Variants in KIF13A observed in about 807,000 individuals in gnomAD.
The protein encoded by KIF13A is kinesin-like protein KIF13A.
A neutral mutation model predicts 212.2 loss-of-function variants in KIF13A; 79 were observed. The ratio of observed to expected loss-of-function variants is 0.37; its 90% CI spans 0.31 to 0.45. KIF13A has a LOEUF of 0.45. Ranked by LOEUF, KIF13A falls within the 20% of genes least tolerant of loss-of-function variation. The pLI is 1.00. For synonymous variants in KIF13A, 789 were observed against 808.6 expected, an observed-to-expected ratio of 0.98 and a Z score of 0.41; for missense variants, 1,901 against 2,209.0, an observed-to-expected ratio of 0.86 and a Z score of 2.79.
rs2150601662 is a variant in KIF13A, at chr6:17,968,059, G to A, written c.146+18995C>T. Among the ~76,000 whole-genome samples, 1 of 152,258 alleles carries A rather than the reference G, an allele frequency of 6.6e-6. No homozygotes were observed. Among genetic ancestry groups the A allele is most frequent in the Admixed American group, 6.5e-5 (1 of 15,284 alleles). Reference sequence around the variant, plus strand: ...TGCCCACAATGCTGAGAACCCCTGGGGGACTGACAAACGTAGGCATATTAT... The same window carrying A: ...TGCCCACAATGCTGAGAACCCCTGGAGGACTGACAAACGTAGGCATATTAT... On this transcript the variant is annotated intron_variant, in intron 2 of 38. Transcript: ENST00000259711. The surrounding 1 kb of genome is among the most constrained non-coding windows in gnomAD (Gnocchi z 4.7).
At chr6:17,852,737 G>A (rs1767777386) in intron 6 of KIF13A, among the ~76,000 whole-genome samples, 1 of 152,192 alleles carries the variant, frequency 6.6e-6, no homozygotes, top group Non-Finnish European at 1.5e-5. Context: ...TGAATTACTA[G>A]TAGACAGTAT....
At chr6:17,831,068 C>T (rs1581450580) in intron 13 of KIF13A, 33 bp downstream of exon 13, 6 of 1,590,700 alleles carry the variant, frequency 3.8e-6, no homozygotes, top group African/African-American at 1.3e-5. Flanking sequence ...AGGAATGAAT[C>T]TTGATTGCAT....
intron 2 of KIF13A, among the ~76,000 whole-genome samples, chr6:17,977,445 A>T (rs949037688): frequency 2.0e-5 from 3 of 152,272 alleles, no homozygotes; most frequent in Non-Finnish European, 2.9e-5. Flanking sequence ...ATGTTTCATG[A>T]AGATGCTCTT....
At chr6:17,762,748 G>A (rs1048924357), downstream of KIF13A, among the ~76,000 whole-genome samples, 1 of 152,208 alleles carries the variant, frequency 6.6e-6, no homozygotes, top group Non-Finnish European at 1.5e-5. Flanking sequence ...TGCAAGAATG[G>A]TGGTGAGTGA....
At chr6:17,876,380 T>C (rs1440809134) in intron 3 of KIF13A, among the ~76,000 whole-genome samples, 2 of 152,154 alleles carry the variant, frequency 1.3e-5, no homozygotes, top group Non-Finnish European at 2.9e-5. Flanking sequence ...TACCTCAGAA[T>C]TACTAAGTAT....
At chr6:17,857,951 A>G (rs546764982) in intron 4 of KIF13A, among the ~76,000 whole-genome samples, 4 of 152,142 alleles carry the variant, frequency 2.6e-5, no homozygotes, top group Admixed American at 6.5e-5. Context: ...ACTACATAAC[A>G]TTTTTAAAAA....
At chr6:17,962,331 AC>A (rs1290675811) in intron 2 of KIF13A, among the ~76,000 whole-genome samples, 9 of 152,092 alleles carry the variant, frequency 5.9e-5, no homozygotes, top group Non-Finnish European at 1.3e-4. Context: ...GAAAAAAAAA[AC>A]ATGGTAATAA....
In KIF13A at chr6:17,886,882, TAA is replaced by T. The variant is rs1171604277; in HGVS notation, c.159+11284_159+11285del. Reference sequence around the variant, plus strand: ...CTGAGGATTGTTTTGTTGTCGTTGTTAAAAAGAGGAAAAAAAAAAAAGTCTTG... The same window carrying T: ...CTGAGGATTGTTTTGTTGTCGTTGTTAAAGAGGAAAAAAAAAAAAGTCTTG... On this transcript the variant is annotated intron_variant, in intron 3 of 38. Coordinates refer to ENST00000259711, the MANE Select transcript of KIF13A (RefSeq NM_022113.6). This position sits in a 1 kb window ranked among gnomAD's most constrained non-coding sequence, Gnocchi z 5.6. Among the ~76,000 whole-genome samples, 1 of 150,418 alleles carries T rather than the reference TAA, an allele frequency of 6.6e-6. No homozygotes were observed. The highest frequency in any genetic ancestry group is 2.5e-5 in the African/African-American group (1 of 40,558).
In KIF13A at chr6:17,774,981, T is replaced by C. The variant is rs150868581; in HGVS notation, c.4218+34A>G. 3,606 of 1,566,284 alleles carry C rather than the reference T, an allele frequency of 2.3e-3. 9 individuals carry two copies. Among genetic ancestry groups the C allele is most frequent in the Middle Eastern group, 3.7e-3 (22 of 5,976 alleles). On this transcript the variant is annotated intron_variant, in intron 35 of 38. Coordinates refer to ENST00000259711, the MANE Select transcript of KIF13A (RefSeq NM_022113.6). ...CCCACAACTTTCCAGACTAAGATTC[T>C]ACTAAAAACCTAGCCATGCCCATAG...
At chr6:17,808,054 T>C (rs531990110) in intron 18 of KIF13A, among the ~76,000 whole-genome samples, 2 of 152,308 alleles carry the variant, frequency 1.3e-5, no homozygotes, top group East Asian at 3.9e-4. Flanking sequence ...TCAGGTATCA[T>C]GAAAAGTCTT....
chr6:17,821,827 A>G, intron 16 of KIF13A: 1 of 1,535,326 alleles, frequency 6.5e-7, no homozygotes, highest in Non-Finnish European at 8.7e-7. Context: ...CTGAAACCAC[A>G]TGAGAGGAAA....
chr6:17,851,349 T>C (rs1013732753), intron 7 of KIF13A, among the ~76,000 whole-genome samples: 2 of 152,210 alleles, frequency 1.3e-5, no homozygotes, highest in African/African-American at 4.8e-5. Context: ...ACAAAGTAAG[T>C]GCAGGGATTT....
Position 17,856,239 on chromosome 6 carries a change from C to G in KIF13A, c.221-117G>C. On this transcript the variant is annotated intron_variant, in intron 4 of 38. Transcript: ENST00000259711. This position sits in a 1 kb window ranked among gnomAD's most constrained non-coding sequence, Gnocchi z 4.5. ...AATGTTAAAAGTGTAGTACCGAGTG[C>G]CCACTAAGTACAGGGCTGTGTATTA... 2.9e-6 allele frequency: 2 copies of G among 685,730 alleles called. No homozygotes were observed. Among genetic ancestry groups the G allele is most frequent in the Non-Finnish European group, 5.0e-6 (2 of 397,078 alleles). The allele number at this position is 685,730 out of a possible 1,614,324, so 42.5% of individuals were successfully genotyped here. A position where few individuals can be genotyped will look rare whatever the true frequency, so the allele number is the denominator to read the frequency against.
intron 4 of KIF13A, among the ~76,000 whole-genome samples, chr6:17,857,076 T>G (rs1768209946): frequency 6.6e-6 from 1 of 152,234 alleles, no homozygotes; most frequent in African/African-American, 2.4e-5. Context: ...TCTTACATGA[T>G]AGTTCCTTTT....
In KIF13A at chr6:17,982,488, G is replaced by A; in HGVS notation, c.146+4566C>T. 2.1e-6 allele frequency: 2 copies of A among 947,980 alleles called. No homozygotes were observed. The highest frequency in any genetic ancestry group is 2.5e-6 in the Non-Finnish European group (2 of 795,990). 58.7% of individuals were successfully genotyped at this position (947,980 alleles called of 1,614,324 possible). The stretch of plus-strand genomic sequence containing the variant: ...AAAATACATACAAAGTTTAGTAAGA[G>A]GAAGCTTTCTTCAACTGACCCTCCC... On this transcript the variant is annotated intron_variant, in intron 2 of 38. Transcript: ENST00000259711. The surrounding 1 kb of genome is among the most constrained non-coding windows in gnomAD (Gnocchi z 5.1).
rs961797436 is a variant in KIF13A at position 17,888,273 on chromosome 6, G to GA, written c.159+9894dup. Among the ~76,000 whole-genome samples the GA allele has an allele frequency of 5.9e-5, 9 of 152,196 alleles. No individual in the cohort carries two copies. Among genetic ancestry groups the GA allele is most frequent in the African/African-American group, 1.9e-4 (8 of 41,502 alleles). On this transcript the variant is annotated intron_variant, in intron 3 of 38. Coordinates refer to ENST00000259711, the MANE Select transcript of KIF13A (RefSeq NM_022113.6). The surrounding 1 kb of genome is among the most constrained non-coding windows in gnomAD (Gnocchi z 4.8). ...CTTGAGCCTAGGAAACAATTCCTAG[G>GA]AAAAACGTATAGTGAGAAGGTTATG...
chr6:17,775,347 T>C (rs952112374), intron 34 of KIF13A, among the ~76,000 whole-genome samples: 4 of 152,224 alleles, frequency 2.6e-5, no homozygotes, highest in African/African-American at 9.7e-5. Context: ...TCTTATTCAA[T>C]AGTCTAGTCA....
At chr6:17,975,171 C>T (rs116835248) in intron 2 of KIF13A, among the ~76,000 whole-genome samples, 1 of 152,086 alleles carries the variant, frequency 6.6e-6, no homozygotes, top group African/African-American at 2.4e-5. Context: ...TAGTGAAACC[C>T]TATCTCTACT....
chr6:17,825,697 G>T lies in KIF13A; in HGVS notation c.1786+71C>A. 2 of 1,405,654 alleles carry T rather than the reference G, an allele frequency of 1.4e-6. No homozygotes were observed. The highest frequency in any genetic ancestry group is 1.3e-5 in the South Asian group (1 of 77,130). 87.1% of individuals were successfully genotyped at this position (1,405,654 alleles called of 1,614,324 possible). Reference sequence around the variant, plus strand: ...GAATGCGGAATGACACCTGATGCATGCTTATCCCTCACTGAATGGTGTGAG... The same window carrying T: ...GAATGCGGAATGACACCTGATGCATTCTTATCCCTCACTGAATGGTGTGAG... On this transcript the variant is annotated intron_variant, in intron 16 of 38. Coordinates refer to ENST00000259711, the MANE Select transcript of KIF13A (RefSeq NM_022113.6). This position sits in a 1 kb window ranked among gnomAD's most constrained non-coding sequence, Gnocchi z 4.5.
Sources: gnomAD v4.1 joint callset for allele counts (sites outside exome capture counted in the v4.1 genomes callset) on GRCh38, gnomAD v4.1.1 for gene constraint, Gnocchi (gnomAD v3.1) non-coding constraint, MANE v1.5 for transcripts, NCBI Gene and HGNC (gene_info 2026-07-23, HGNC 2026-07-21) for gene names.